The following COXFA4 variants were observed in gnomAD, a reference collection of about 807,000 sequenced individuals.
COXFA4 encodes the protein cytochrome c oxidase subunit FA4.
chr7:10,932,155 GAA>G, the COXFA4 span: 1 of 152,188 alleles, frequency 6.6e-6, no homozygotes, highest in African/African-American at 2.4e-5. Context: ...GAATTGGAGG[GAA>G]AGAGTGCTTT....
At chr7:10,934,805 T>C in the COXFA4 span, among the ~76,000 whole-genome samples, 1 of 152,234 alleles carries the variant, frequency 6.6e-6, no homozygotes, top group African/African-American at 2.4e-5. Flanking sequence ...TACAGACTTT[T>C]ATGGACAGAA....
the COXFA4 span, chr7:10,939,793 C>T: frequency 4.7e-6 from 3 of 638,788 alleles, no homozygotes; most frequent in Non-Finnish European, 8.3e-6. Flanking sequence ...TTTTTCCGAG[C>T]AGTGTCCGTC....
the COXFA4 span, among the ~76,000 whole-genome samples, chr7:10,934,859 GTTCTT>G: frequency 5.9e-5 from 9 of 152,088 alleles, no homozygotes; most frequent in Non-Finnish European, 1.0e-4. Context: ...TTCTGACAGT[GTTCTT>G]TTAAGAAACA....
chr7:10,937,766 G>T, the COXFA4 span: 1 of 273,944 alleles, frequency 3.7e-6, no homozygotes, highest in Non-Finnish European at 6.9e-6. Flanking sequence ...AATCTCTGGG[G>T]ATAAGGCTGA....
chr7:10,938,691 G>T, the COXFA4 span: 1 of 766,606 alleles, frequency 1.3e-6, no homozygotes, highest in Non-Finnish European at 2.3e-6. Flanking sequence ...TGAACTTATT[G>T]TATGACTGTA....
the COXFA4 span, chr7:10,937,884 C>T: frequency 3.5e-6 from 2 of 578,950 alleles, no homozygotes; most frequent in African/African-American, 1.9e-5. Context: ...ATTTTTCCTT[C>T]TTTTCTTATA....
chr7:10,935,322 G>C, the COXFA4 span, among the ~76,000 whole-genome samples: 6 of 152,270 alleles, frequency 3.9e-5, no homozygotes, highest in Admixed American at 2.6e-4. Flanking sequence ...TAGAGTCTCT[G>C]AAACAATAGT....
the COXFA4 span, chr7:10,938,711 TTCTTTC>T: frequency 4.6e-6 from 4 of 860,788 alleles, no homozygotes; most frequent in African/African-American, 3.3e-5. Flanking sequence ...AAATGTAACA[TTCTTTC>T]TACTACCCTA....
chr7:10,934,295 A>G, the COXFA4 span, among the ~76,000 whole-genome samples: 2 of 148,290 alleles, frequency 1.3e-5, no homozygotes, highest in Non-Finnish European at 3.0e-5. Flanking sequence ...ATAATACGGT[A>G]TTTTTGCTGT....
chr7:10,938,126 C>T, the COXFA4 span: 1 of 1,613,204 alleles, frequency 6.2e-7, no homozygotes, highest in South Asian at 1.1e-5. Context: ...TGTTCCAGGG[C>T]TCTGGGTTAT....
At chr7:10,938,123 G>C in the COXFA4 span, 1 of 1,613,238 alleles carries the variant, frequency 6.2e-7, no homozygotes, top group Non-Finnish European at 8.5e-7. Flanking sequence ...GTTTGTTCCA[G>C]GGCTCTGGGT....
the COXFA4 span, among the ~76,000 whole-genome samples, chr7:10,937,279 T>C: frequency 1.4e-4 from 22 of 151,736 alleles, no homozygotes; most frequent in African/African-American, 5.3e-4. Context: ...AAGCCGCCCT[T>C]GGTTTTTTGG....
chr7:10,939,613 A>T, the COXFA4 span: 1 of 193,066 alleles, frequency 5.2e-6, no homozygotes, highest in Admixed American at 5.3e-5. Context: ...CTGGTGGTGC[A>T]ATGCGGCGAA....
At chr7:10,938,168 C>T in the COXFA4 span, 34 of 1,600,598 alleles carry the variant, frequency 2.1e-5, no homozygotes, top group Middle Eastern at 1.8e-4. Flanking sequence ...TAAAACATTA[C>T]GACTGTTATA....
chr7:10,933,741 C>T, the COXFA4 span: 114 of 1,333,992 alleles, frequency 8.5e-5, no homozygotes, highest in East Asian at 1.4e-3. Flanking sequence ...TACACAGAGA[C>T]GGTACAAAGG....
chr7:10,933,940 T>A, the COXFA4 span, among the ~76,000 whole-genome samples: 1 of 152,212 alleles, frequency 6.6e-6, no homozygotes, highest in South Asian at 2.1e-4. Context: ...TACAGTCTAC[T>A]ACTTGGAACC....
the COXFA4 span, chr7:10,932,434 G>GT: frequency 1.3e-5 from 2 of 152,176 alleles, no homozygotes; most frequent in Non-Finnish European, 2.9e-5. Flanking sequence ...AATTCAACTC[G>GT]TTTAACAATT....
chr7:10,939,995 G>A, the COXFA4 span: 1 of 1,613,748 alleles, frequency 6.2e-7, no homozygotes, highest in Middle Eastern at 1.6e-4. Context: ...GAAAACATTA[G>A]GAGAGCGGTC....
At chr7:10,933,376 G>T in the COXFA4 span, 1 of 420,252 alleles carries the variant, frequency 2.4e-6, no homozygotes, top group Non-Finnish European at 4.2e-6. Flanking sequence ...AGAAATTCAA[G>T]AAATTCTTTA....
Sources: allele counts gnomAD v4.1 joint callset (sites outside exome capture counted in the v4.1 genomes callset), GRCh38; gene constraint gnomAD v4.1.1; transcripts MANE v1.5; gene names NCBI Gene and HGNC (gene_info 2026-07-23, HGNC 2026-07-21).